The following APBA2 variants were observed in gnomAD, a reference collection of about 807,000 sequenced individuals.
APBA2 encodes amyloid-beta A4 precursor protein-binding family A member 2.
In APBA2, 30 loss-of-function variants were observed where a neutral mutation model predicts 75.0. That is an observed-to-expected ratio of 0.40 (90% CI 0.30 to 0.54). The LOEUF is 0.54. Ranked by LOEUF, APBA2 falls within the 20% of genes least tolerant of loss-of-function variation. The probability of loss-of-function intolerance (pLI) is 0.49; values close to 1 mark genes in which losing one functional copy is unlikely to be tolerated. For missense variants in APBA2, 801 were observed against 1,016.1 expected (o/e 0.79, Z 2.88); for synonymous variants, 444 against 409.6 (o/e 1.08, Z -1.01).
At chr15:28,993,151 C>T (rs1307955097) in intron 2 of APBA2, among the ~76,000 whole-genome samples, 2 of 152,138 alleles carry the variant, frequency 1.3e-5, no homozygotes, top group African/African-American at 4.8e-5. Flanking sequence ...ATGGAGCCCG[C>T]CCCCCAAATA....
chr15:29,054,928 T>TG lies in APBA2; in HGVS notation c.951+99dup. 1 of 1,226,716 alleles carries TG rather than the reference T, an allele frequency of 8.2e-7. No individual in the cohort carries two copies. 76.0% of individuals were successfully genotyped at this position (1,226,716 alleles called of 1,614,324 possible). The stretch of plus-strand genomic sequence containing the variant: ...CCTTGCAGATGCTGAAGCGAGGCGG[T>TG]GGGGGGTGCTGGGTGCCTCACAGTT... On this transcript the variant is annotated intron_variant, in intron 4 of 14. Coordinates refer to ENST00000683413, the MANE Select transcript of APBA2 (RefSeq NM_001353788.2). This position sits in a 1 kb window ranked among gnomAD's most constrained non-coding sequence, Gnocchi z 6.1.
chr15:29,079,485 T>C (rs2042993508), intron 6 of APBA2, among the ~76,000 whole-genome samples: 1 of 152,194 alleles, frequency 6.6e-6, no homozygotes, highest in African/African-American at 2.4e-5. Context: ...GCTTATTTCT[T>C]TGTGGCCAGA....
chr15:29,108,562 G>A (rs758826488), intron 13 of APBA2, 173 bp downstream of exon 13: 2 of 1,030,996 alleles, frequency 1.9e-6, no homozygotes, highest in Non-Finnish European at 2.8e-6. Context: ...GGCTCTCTGG[G>A]AGGTCCTGGC....
intron 14 of APBA2, among the ~76,000 whole-genome samples, chr15:29,115,441 T>G (rs913722042): frequency 2.6e-5 from 4 of 152,040 alleles, no homozygotes; most frequent in African/African-American, 9.7e-5. Context: ...AGCCTCCCTT[T>G]GATGGCTTCA....
At chr15:28,951,881 CTTTTTTTTTTTT>C (rs71414600) in intron 2 of APBA2, among the ~76,000 whole-genome samples, 1 of 109,824 alleles carries the variant, frequency 9.1e-6, no homozygotes, top group Non-Finnish European at 1.8e-5. Context: ...TGCACTCAGC[CTTTTTTTTTTTT>C]TTTTTTTTTT....
chr15:29,024,873 G>A (rs1332871448), intron 3 of APBA2, among the ~76,000 whole-genome samples: 3 of 152,230 alleles, frequency 2.0e-5, no homozygotes, highest in South Asian at 2.1e-4. Flanking sequence ...CAGGAGGAGC[G>A]GATGGAAGCA....
At chr15:28,963,889 A>G (rs930821049) in intron 2 of APBA2, among the ~76,000 whole-genome samples, 5 of 152,132 alleles carry the variant, frequency 3.3e-5, no homozygotes, top group Admixed American at 6.5e-5. Flanking sequence ...GTTATAATGT[A>G]TGTATGTGTG....
intron 2 of APBA2, among the ~76,000 whole-genome samples, chr15:28,941,391 C>A (rs1371155252): frequency 6.7e-6 from 1 of 150,206 alleles, no homozygotes; most frequent in East Asian, 2.0e-4. Flanking sequence ...TTTGCAGGAA[C>A]GGAAAGGACA....
rs189053039 is a variant in APBA2 at position 29,072,207 on chromosome 15, G to A, written c.952-2714G>A. 1.1e-3 allele frequency among the ~76,000 whole-genome samples: 171 copies of A among 152,226 alleles called. 1 individual carries two copies. Among genetic ancestry groups the A allele is most frequent in the Non-Finnish European group, 4.0e-4 (27 of 68,010 alleles). ...TGCTGGTGGGCTGGTTGATTTCTTTGGGGTTTTTTTGGAGATGACCAGCAC... is the reference window on the plus strand; with the variant it reads ...TGCTGGTGGGCTGGTTGATTTCTTTAGGGTTTTTTTGGAGATGACCAGCAC... On this transcript the variant is annotated intron_variant, in intron 4 of 14. Coordinates refer to ENST00000683413, the MANE Select transcript of APBA2 (RefSeq NM_001353788.2).
At chr15:29,096,958 C>T (rs2152956533) in intron 8 of APBA2, among the ~76,000 whole-genome samples, 1 of 152,340 alleles carries the variant, frequency 6.6e-6, no homozygotes, top group East Asian at 1.9e-4. Flanking sequence ...GAAGAGTTCA[C>T]TCAGCTCAGA....
intron 13 of APBA2, among the ~76,000 whole-genome samples, chr15:29,110,173 T>C (rs1317424190): frequency 6.6e-6 from 1 of 152,212 alleles, no homozygotes; most frequent in Admixed American, 6.5e-5. Flanking sequence ...TCTGGGCTAC[T>C]GCACCCCCGA....
chr15:28,996,128 C>T (rs2038504688), intron 3 of APBA2, among the ~76,000 whole-genome samples: 1 of 152,156 alleles, frequency 6.6e-6, no homozygotes, highest in African/African-American at 2.4e-5. Context: ...TTCTGTAAAC[C>T]ATGGTCCTCA....
At chr15:28,954,433 A>G (rs2036055959) in intron 2 of APBA2, among the ~76,000 whole-genome samples, 1 of 152,202 alleles carries the variant, frequency 6.6e-6, no homozygotes, top group South Asian at 2.1e-4. Flanking sequence ...CTGCCTGGCT[A>G]ATAACTTTAT....
rs201388749 is a variant in APBA2, at chr15:29,044,608, CT to C, written c.-40-9236del. Among the ~76,000 whole-genome samples, 1,072 of 152,248 alleles carry C rather than the reference CT, an allele frequency of 7.0e-3. 14 individuals carry two copies. The highest frequency in any genetic ancestry group is 0.014 in the African/African-American group (595 of 41,536). ...TAACTCTCTCCTGGCCACACCCCCCCTGGGCTCATATGGGGACCTGGGCCTT... is the reference window on the plus strand; with the variant it reads ...TAACTCTCTCCTGGCCACACCCCCCCGGGCTCATATGGGGACCTGGGCCTT... On this transcript the variant is annotated intron_variant, in intron 3 of 14. Transcript: ENST00000683413.
intron 2 of APBA2, among the ~76,000 whole-genome samples, chr15:28,992,682 G>A (rs960638845): frequency 1.3e-5 from 2 of 152,164 alleles, no homozygotes; most frequent in Non-Finnish European, 2.9e-5. Flanking sequence ...TTCTGGACTG[G>A]CTCCCAGGGC....
At chr15:28,908,560 C>T (rs1242817195) in intron 1 of APBA2, among the ~76,000 whole-genome samples, 3 of 152,050 alleles carry the variant, frequency 2.0e-5, no homozygotes, top group African/African-American at 7.2e-5. Context: ...CCACCCGCCT[C>T]CGCCTGTCAA....
chr15:28,892,993 CTT>C (rs2032235912), intron 1 of APBA2, among the ~76,000 whole-genome samples: 1 of 152,222 alleles, frequency 6.6e-6, no homozygotes, highest in Admixed American at 6.5e-5. Context: ...GTTTCTCAGT[CTT>C]TTGCTGTAAT....
chr15:28,911,723 C>G (rs549113378), intron 1 of APBA2, among the ~76,000 whole-genome samples: 1 of 152,128 alleles, frequency 6.6e-6, no homozygotes. Context: ...TAGGACAGTC[C>G]CCCCTTGGCT....
intron 1 of APBA2, among the ~76,000 whole-genome samples, chr15:28,905,551 G>A (rs1373725914): frequency 1.3e-5 from 2 of 152,200 alleles, no homozygotes; most frequent in Non-Finnish European, 2.9e-5. Context: ...TCTGCCATCT[G>A]TAGTTTTTGT....
Sources: gnomAD v4.1 joint callset for allele counts (sites outside exome capture counted in the v4.1 genomes callset) on GRCh38, gnomAD v4.1.1 for gene constraint, Gnocchi (gnomAD v3.1) non-coding constraint, MANE v1.5 for transcripts, NCBI Gene and HGNC (gene_info 2026-07-23, HGNC 2026-07-21) for gene names.